Variants in LRRC4B observed in about 807,000 individuals in gnomAD.
The protein encoded by LRRC4B is leucine rich repeat containing 4B.
In LRRC4B, 1 loss-of-function variant was observed where a neutral mutation model predicts 7.3. That is an observed-to-expected ratio of 0.14 (90% confidence interval 0.05 to 0.65). The LOEUF is 0.65. Ranked by LOEUF, LRRC4B falls within the 30% of genes least tolerant of loss-of-function variation. LRRC4B has a pLI of 0.84. For synonymous variants in LRRC4B, 500 were observed against 499.2 expected, an observed-to-expected ratio of 1.00 and a Z score of -0.02; for missense variants, 730 against 1,041.6, an observed-to-expected ratio of 0.70 and a Z score of 4.12.
intron 2 of LRRC4B, among the ~76,000 whole-genome samples, chr19:50,525,368 C>T (rs1238138219): frequency 1.3e-5 from 2 of 151,046 alleles, no homozygotes; most frequent in African/African-American, 4.9e-5. Flanking sequence ...AGCCCTGAGC[C>T]GTCCACTGAA....
chr19:50,532,833 T>C (rs954008433), intron 2 of LRRC4B, among the ~76,000 whole-genome samples: 1 of 152,186 alleles, frequency 6.6e-6, no homozygotes, highest in Admixed American at 6.5e-5. Context: ...GACTAGAGTG[T>C]CTAAGGCTCT....
At chr19:50,561,981 A>T (rs1982478926) in intron 1 of LRRC4B, among the ~76,000 whole-genome samples, 1 of 115,832 alleles carries the variant, frequency 8.6e-6, no homozygotes, top group Admixed American at 1.1e-4. Flanking sequence ...CAGGTGTAGT[A>T]GTGATGCGTG....
At chr19:50,541,728 C>CT (rs1981558638) in intron 2 of LRRC4B, among the ~76,000 whole-genome samples, 1 of 152,184 alleles carries the variant, frequency 6.6e-6, no homozygotes. Flanking sequence ...TTCAGTGGTA[C>CT]TTTGTTAAAT....
At chr19:50,558,556 T>A (rs1183709069) in intron 1 of LRRC4B, among the ~76,000 whole-genome samples, 1 of 152,220 alleles carries the variant, frequency 6.6e-6, no homozygotes, top group African/African-American at 2.4e-5. Flanking sequence ...TGCATCACTG[T>A]CAAACAGACT....
At chr19:50,536,720 G>A (rs1981308184) in intron 2 of LRRC4B, among the ~76,000 whole-genome samples, 1 of 152,146 alleles carries the variant, frequency 6.6e-6, no homozygotes, top group Non-Finnish European at 1.5e-5. Flanking sequence ...AAACTGTCTC[G>A]ATATCTGTAA....
At chr19:50,539,870 G>A (rs1376620857) in intron 2 of LRRC4B, among the ~76,000 whole-genome samples, 2 of 146,202 alleles carry the variant, frequency 1.4e-5, no homozygotes, top group African/African-American at 2.7e-5. Context: ...CTGGGGGACA[G>A]TGCGAGACTC....
rs1166255566 is a variant in LRRC4B, at chr19:50,548,858, C to G, written c.-20G>C. 6.0e-6 allele frequency: 5 copies of G among 829,812 alleles called. No individual in the cohort carries two copies. The highest frequency in any genetic ancestry group is 5.7e-5 in the East Asian group (1 of 17,474). 51.4% of individuals were successfully genotyped at this position (829,812 alleles called of 1,614,324 possible). A position where few individuals can be genotyped will look rare whatever the true frequency, so the allele number is the denominator to read the frequency against. ...CGCCATCCTCAATGTTCATGCTCCG[C>G]GTGGACGCTGGGGGGCTGTGGGTGG... On this transcript the variant is annotated 5_prime_UTR_variant, in exon 2 of 3. Coordinates refer to ENST00000652263, the MANE Select transcript of LRRC4B (RefSeq NM_001080457.2). This position sits in a 1 kb window ranked among gnomAD's most constrained non-coding sequence, Gnocchi z 6.8.
At chr19:50,560,483 T>C (rs557230995) in intron 1 of LRRC4B, among the ~76,000 whole-genome samples, 9 of 152,346 alleles carry the variant, frequency 5.9e-5, no homozygotes, top group East Asian at 5.8e-4. Flanking sequence ...ATATCTGTGA[T>C]GAGTTTAGGG....
chr19:50,561,356 G>A (rs933192543), intron 1 of LRRC4B, among the ~76,000 whole-genome samples: 4 of 152,110 alleles, frequency 2.6e-5, no homozygotes, highest in African/African-American at 9.7e-5. Flanking sequence ...AGCATGGGGA[G>A]TCCTTTCCCT....
chr19:50,565,864 AGTAACTCC>A (rs1982612849), intron 1 of LRRC4B, among the ~76,000 whole-genome samples: 3 of 151,770 alleles, frequency 2.0e-5, no homozygotes. Flanking sequence ...AAATTAAGTG[AGTAACTCC>A]GTGACTCCGT....
At chr19:50,565,458 C>T (rs997374060) in intron 1 of LRRC4B, among the ~76,000 whole-genome samples, 2 of 151,956 alleles carry the variant, frequency 1.3e-5, no homozygotes, top group African/African-American at 4.8e-5. Context: ...GTGGGGGCTG[C>T]GTCTGCAACT....
chr19:50,538,409 T>C (rs1981387575), intron 2 of LRRC4B, among the ~76,000 whole-genome samples: 1 of 152,040 alleles, frequency 6.6e-6, no homozygotes, highest in Admixed American at 6.6e-5. Flanking sequence ...GAAAAGTCTG[T>C]CCAATCAAAA....
intron 2 of LRRC4B, among the ~76,000 whole-genome samples, chr19:50,524,889 C>T (rs562059430): frequency 2.0e-5 from 3 of 152,280 alleles, no homozygotes; most frequent in South Asian, 2.1e-4. Context: ...TGCCCAGGGA[C>T]GCTCTGTGGA....
chr19:50,530,154 C>T (rs566009579), intron 2 of LRRC4B, among the ~76,000 whole-genome samples: 43 of 152,274 alleles, frequency 2.8e-4, no homozygotes, highest in African/African-American at 9.1e-4. Flanking sequence ...TCCCTGGGCC[C>T]GCCGCAGCCT....
At chr19:50,527,916 T>C (rs1186440967) in intron 2 of LRRC4B, among the ~76,000 whole-genome samples, 1 of 151,334 alleles carries the variant, frequency 6.6e-6, no homozygotes, top group Non-Finnish European at 1.5e-5. Context: ...TAATTTTTTG[T>C]ATTTTTAGTA....
intron 2 of LRRC4B, among the ~76,000 whole-genome samples, chr19:50,525,781 G>C (rs1980784124): frequency 6.6e-6 from 1 of 151,870 alleles, no homozygotes; most frequent in African/African-American, 2.4e-5. Flanking sequence ...CTGGCCCCCT[G>C]TCCTCCGACT....
At chr19:50,524,518 T>A (rs898627024) in intron 2 of LRRC4B, among the ~76,000 whole-genome samples, 2 of 152,310 alleles carry the variant, frequency 1.3e-5, no homozygotes, top group Admixed American at 6.5e-5. Flanking sequence ...CCTCCCAAAG[T>A]GCTGGGATTA....
intron 1 of LRRC4B, chr19:50,557,526 A>G (rs1982317677): frequency 6.6e-6 from 1 of 152,254 alleles, no homozygotes; most frequent in Non-Finnish European, 1.5e-5. Flanking sequence ...AGTGACCAGC[A>G]AGTGACATAT....
At position 50,560,951 on chromosome 19, in the gene LRRC4B, C is replaced by T. The variant is rs141305667; in HGVS notation, c.-36+6993G>A. Among the ~76,000 whole-genome samples the T allele has an allele frequency of 1.8e-4, 27 of 152,128 alleles. No individual in the cohort carries two copies. The East Asian group carries it at 4.6e-3, about 26-fold the overall frequency. On this transcript the variant is annotated intron_variant, in intron 1 of 2. Transcript: ENST00000652263. ...CTAAAAATACAAAAAATTAGCCAGG[C>T]GCTGTGGTGCGTGCCTGTAATCCCA...
Sources: allele counts gnomAD v4.1 joint callset (sites outside exome capture counted in the v4.1 genomes callset), GRCh38; gene constraint gnomAD v4.1.1; non-coding constraint Gnocchi (gnomAD v3.1); transcripts MANE v1.5; gene names NCBI Gene and HGNC (gene_info 2026-07-23, HGNC 2026-07-21).